Variants in UBAP2 observed in about 807,000 individuals in gnomAD.
The protein encoded by UBAP2 is ubiquitin associated protein 2, also known as ubiquitin-associated protein 2.
Under a neutral mutation model 139.6 loss-of-function variants are expected in UBAP2, and 75 were observed. The observed-to-expected ratio is 0.54, with a 90% CI of 0.45 to 0.65. The LOEUF is 0.65. Ranked by LOEUF, UBAP2 falls within the 30% of genes least tolerant of loss-of-function variation. UBAP2 has a pLI of 0.00. For missense variants in UBAP2, 1,368 were observed against 1,369.6 expected (o/e 1.00, Z 0.02); for synonymous variants, 526 against 526.2 (o/e 1.00, Z 0.01).
intron 9 of UBAP2, among the ~76,000 whole-genome samples, chr9:33,961,531 T>C (rs2131010589): frequency 6.7e-6 from 1 of 148,966 alleles, no homozygotes; most frequent in East Asian, 1.9e-4. Flanking sequence ...AAAGTGTTGC[T>C]ACTCAAAAAA....
At chr9:33,994,009 C>G (rs910596898) in intron 4 of UBAP2, among the ~76,000 whole-genome samples, 4 of 151,774 alleles carry the variant, frequency 2.6e-5, no homozygotes, top group African/African-American at 9.7e-5. Context: ...ATTCTCCTGC[C>G]TCAGCCGCCT....
chr9:34,035,514 A>AAAAAAAAAAAAATTATATATATAT lies in UBAP2; in HGVS notation c.-42+13310_-42+13311insATATATATATAATTTTTTTTTTTT. Among the ~76,000 whole-genome samples the AAAAAAAAAAAAATTATATATATAT allele has an allele frequency of 8.9e-5, 2 of 22,474 alleles. 1 individual carries two copies. Among genetic ancestry groups the AAAAAAAAAAAAATTATATATATAT allele is most frequent in the Non-Finnish European group, 2.0e-4 (2 of 10,250 alleles). 14.7% of individuals were successfully genotyped at this position (22,474 alleles called of 152,430 possible). On this transcript the variant is annotated intron_variant, in intron 1 of 28. Transcript: ENST00000379238. The stretch of plus-strand genomic sequence containing the variant: ...GAGACTCCATCTAAAAAAAAAAAAA[A>AAAAAAAAAAAAATTATATATATAT]ATATATATATATAAAGATTAGCCAG...
intron 6 of UBAP2, among the ~76,000 whole-genome samples, chr9:33,984,514 T>TC (rs1821036983): frequency 6.6e-6 from 1 of 151,608 alleles, no homozygotes; most frequent in African/African-American, 2.4e-5. Context: ...AAAAATTTTT[T>TC]TTTTTCTTTA....
intron 12 of UBAP2, chr9:33,948,842 A>C: frequency 2.4e-6 from 1 of 408,528 alleles, no homozygotes; most frequent in Non-Finnish European, 4.4e-6. Flanking sequence ...GAATTTGAAG[A>C]AATCAATTTT....
chr9:33,998,258 C>T (rs1460270149), intron 3 of UBAP2: 1 of 152,330 alleles, frequency 6.6e-6, no homozygotes, highest in Non-Finnish European at 1.5e-5. Context: ...ATTAGCTGGG[C>T]ATGGTGATGA....
chr9:34,046,758 G>C (rs10971867), intron 1 of UBAP2, among the ~76,000 whole-genome samples: 11,960 of 151,792 alleles, frequency 0.079, 678 homozygotes, highest in Non-Finnish European at 0.12. Context: ...GTAGATACCG[G>C]GACCAGTTCC....
chr9:33,965,111 G>C (rs904354928), intron 8 of UBAP2, among the ~76,000 whole-genome samples: 2 of 152,112 alleles, frequency 1.3e-5, no homozygotes, highest in African/African-American at 4.8e-5. Flanking sequence ...AATAATTATA[G>C]AGTCACAGGA....
At chr9:34,015,743 G>C (rs1824193074) in intron 2 of UBAP2, among the ~76,000 whole-genome samples, 1 of 152,102 alleles carries the variant, frequency 6.6e-6, no homozygotes, top group Non-Finnish European at 1.5e-5. Flanking sequence ...CTGTCACCCA[G>C]GCTGGAGTGC....
At chr9:34,045,314 C>CCAATTTGGG (rs1223165766) in intron 1 of UBAP2, among the ~76,000 whole-genome samples, 1 of 150,858 alleles carries the variant, frequency 6.6e-6, no homozygotes, top group African/African-American at 2.4e-5. Context: ...CCACTGCACT[C>CCAATTTGGG]CAATTTGGGC....
intron 11 of UBAP2, among the ~76,000 whole-genome samples, chr9:33,954,600 T>C (rs1456884565): frequency 1.3e-5 from 2 of 152,170 alleles, no homozygotes; most frequent in African/African-American, 4.8e-5. Context: ...GACAGGCAGA[T>C]TACAGGACAA....
chr9:33,988,547 T>C (rs564490038), intron 5 of UBAP2, among the ~76,000 whole-genome samples: 194 of 152,310 alleles, frequency 1.3e-3, no homozygotes, highest in Non-Finnish European at 2.3e-3. Flanking sequence ...ATGGAGAATA[T>C]AAAACAGCTT....
chr9:33,986,190 C>G (rs949437967), intron 6 of UBAP2, among the ~76,000 whole-genome samples: 5 of 151,926 alleles, frequency 3.3e-5, no homozygotes, highest in Non-Finnish European at 1.5e-5. Context: ...GTAGCTGGGA[C>G]TACAGGTGCG....
intron 16 of UBAP2, among the ~76,000 whole-genome samples, chr9:33,936,588 G>A (rs1440990898): frequency 7.2e-5 from 11 of 152,092 alleles, no homozygotes; most frequent in Admixed American, 6.6e-4. Flanking sequence ...GCCACCATGT[G>A]AGCTGACATT....
chr9:34,031,612 T>G (rs181615569), intron 1 of UBAP2, among the ~76,000 whole-genome samples: 257 of 151,948 alleles, frequency 1.7e-3, no homozygotes, highest in Non-Finnish European at 2.7e-3. Context: ...CGGCCTTAAC[T>G]TGCTTTCCTA....
intron 19 of UBAP2, among the ~76,000 whole-genome samples, chr9:33,929,024 TCCAAGGCG>T: frequency 6.6e-6 from 1 of 152,224 alleles, no homozygotes; most frequent in East Asian, 1.9e-4. Context: ...TTCCTGGGGC[TCCAAGGCG>T]TCTTGTTCCT....
chr9:33,995,453 A>C, intron 4 of UBAP2: 1 of 139,918 alleles, frequency 7.1e-6, no homozygotes, highest in Non-Finnish European at 1.5e-5. Flanking sequence ...TAAATATTAT[A>C]TATAATATAT....
chr9:33,923,547 C>T (rs998394117), intron 24 of UBAP2, 69 bp from the exon 25 acceptor site: 1 of 1,492,532 alleles, frequency 6.7e-7, no homozygotes, highest in African/African-American at 1.4e-5. Context: ...GTACCCCTGC[C>T]AGAGCCTAAG....
intron 2 of UBAP2, among the ~76,000 whole-genome samples, chr9:34,008,260 G>A (rs1196897560): frequency 6.6e-6 from 1 of 151,520 alleles, no homozygotes; most frequent in East Asian, 1.9e-4. Flanking sequence ...GAAGGTTGCG[G>A]TGAGCTAAGA....
intron 18 of UBAP2, 126 bp from the exon 19 acceptor site, chr9:33,932,754 CCATCCT>C (rs1824104599): frequency 4.2e-6 from 4 of 963,098 alleles, no homozygotes; most frequent in Non-Finnish European, 6.2e-6. Flanking sequence ...GGCTTCAGAC[CCATCCT>C]CATTCCTTAT....
Sources: allele counts gnomAD v4.1 joint callset (sites outside exome capture counted in the v4.1 genomes callset), GRCh38; gene constraint gnomAD v4.1.1; transcripts MANE v1.5; gene names NCBI Gene and HGNC (gene_info 2026-07-23, HGNC 2026-07-21).